The following RBFOX3 variants were observed in gnomAD, a reference collection of about 807,000 sequenced individuals.
RBFOX3 encodes RNA binding protein fox-1 homolog 3.
A neutral mutation model predicts 48.7 loss-of-function variants in RBFOX3; 17 were observed. That is an observed-to-expected ratio of 0.35 (90% CI 0.24 to 0.52). The LOEUF is 0.52. Ranked by LOEUF, RBFOX3 falls within the 20% of genes least tolerant of loss-of-function variation. RBFOX3 has a pLI of 0.94. For missense variants in RBFOX3, 382 were observed against 497.5 expected (o/e 0.77, Z 2.21); for synonymous variants, 212 against 209.5 (o/e 1.01, Z -0.10).
chr17:79,343,967 G>C (rs2082482681), intron 2 of RBFOX3, among the ~76,000 whole-genome samples: 1 of 152,206 alleles, frequency 6.6e-6, no homozygotes, highest in Non-Finnish European at 1.5e-5. Flanking sequence ...ATACTCTCCA[G>C]AGAGATCCCA....
intron 2 of RBFOX3, among the ~76,000 whole-genome samples, chr17:79,354,812 T>G (rs2084655792): frequency 6.6e-6 from 1 of 152,270 alleles, no homozygotes; most frequent in African/African-American, 2.4e-5. Flanking sequence ...TAATCATTAT[T>G]ATAACTATTT....
chr17:79,166,983 C>A (rs892931707), intron 4 of RBFOX3, among the ~76,000 whole-genome samples: 1 of 152,102 alleles, frequency 6.6e-6, no homozygotes, highest in African/African-American at 2.4e-5. Flanking sequence ...CTCCGGGGGC[C>A]CAGAGACAGC....
intron 1 of RBFOX3, among the ~76,000 whole-genome samples, chr17:79,531,760 C>T (rs948813928): frequency 3.3e-5 from 5 of 152,214 alleles, no homozygotes; most frequent in Admixed American, 6.5e-5. Flanking sequence ...AATCTAGAAA[C>T]GAAAGAGCTC....
intron 1 of RBFOX3, among the ~76,000 whole-genome samples, chr17:79,547,098 C>T (rs926893242): frequency 3.3e-5 from 5 of 152,140 alleles, no homozygotes; most frequent in African/African-American, 4.8e-5. Flanking sequence ...GGCAGGTGAA[C>T]AATTACCTTG....
At chr17:79,428,095 C>T (rs2067713869) in intron 2 of RBFOX3, among the ~76,000 whole-genome samples, 1 of 152,246 alleles carries the variant, frequency 6.6e-6, no homozygotes, top group South Asian at 2.1e-4. Flanking sequence ...ACAAGGCAGC[C>T]ACTGTGCCGA....
intron 4 of RBFOX3, among the ~76,000 whole-genome samples, chr17:79,138,713 C>CCATGCACGCACACAGCACATGCGTTCACA: frequency 3.9e-5 from 2 of 50,804 alleles, no homozygotes; most frequent in Non-Finnish European, 3.8e-5. Flanking sequence ...GCGTTCACAC[C>CCATGCACGCACACAGCACATGCGTTCACA]CCCTCACCCA....
At chr17:79,431,138 C>T (rs957145226) in intron 2 of RBFOX3, among the ~76,000 whole-genome samples, 5 of 152,062 alleles carry the variant, frequency 3.3e-5, no homozygotes, top group Non-Finnish European at 7.4e-5. Flanking sequence ...TGAAAAGGAT[C>T]GGGGAATCCA....
chr17:79,177,758 T>G (rs541028700), intron 4 of RBFOX3, among the ~76,000 whole-genome samples: 2 of 152,280 alleles, frequency 1.3e-5, no homozygotes, highest in East Asian at 3.9e-4. Context: ...TGGTACATGA[T>G]TCAAACCTTA....
chr17:79,462,854 G>A (rs139204035), intron 2 of RBFOX3, among the ~76,000 whole-genome samples: 176 of 152,256 alleles, frequency 1.2e-3, no homozygotes, highest in African/African-American at 3.7e-3. Flanking sequence ...CAGACACAGC[G>A]GTTATCTGAC....
intron 4 of RBFOX3, chr17:79,135,940 G>GT (rs2143710442): frequency 6.6e-6 from 1 of 152,424 alleles, no homozygotes; most frequent in South Asian, 2.1e-4. Flanking sequence ...GCTGGGTGGG[G>GT]TCACAGTTCT....
chr17:79,128,309 G>C (rs961775920), intron 4 of RBFOX3, among the ~76,000 whole-genome samples: 1 of 152,126 alleles, frequency 6.6e-6, no homozygotes, highest in South Asian at 2.1e-4. Context: ...GATGAGGGGG[G>C]GACTTTGCTT....
At chr17:79,607,916 G>A (rs1168237423) in intron 1 of RBFOX3, among the ~76,000 whole-genome samples, 5 of 152,210 alleles carry the variant, frequency 3.3e-5, no homozygotes, top group Admixed American at 3.3e-4. Flanking sequence ...TAAGTGACAG[G>A]CGCAGGACAG....
chr17:79,146,509 T>C (rs931833908), intron 4 of RBFOX3, among the ~76,000 whole-genome samples: 1 of 152,228 alleles, frequency 6.6e-6, no homozygotes, highest in Non-Finnish European at 1.5e-5. Context: ...CTCTGAATTG[T>C]CAGGTTCAAT....
intron 2 of RBFOX3, among the ~76,000 whole-genome samples, chr17:79,356,107 T>C (rs2084934104): frequency 6.6e-6 from 1 of 152,186 alleles, no homozygotes. Flanking sequence ...AACTGAAGTC[T>C]AAGCTCAAGT....
chr17:79,662,761 G>C, the RBFOX3 span, among the ~76,000 whole-genome samples: 1 of 152,166 alleles, frequency 6.6e-6, no homozygotes, highest in Non-Finnish European at 1.5e-5. Flanking sequence ...GTTTGTAGAG[G>C]AAAAATAGAT....
intron 2 of RBFOX3, among the ~76,000 whole-genome samples, chr17:79,329,021 A>C (rs1037565992): frequency 2.6e-5 from 4 of 152,132 alleles, no homozygotes; most frequent in African/African-American, 9.7e-5. Flanking sequence ...GTAAAGAATA[A>C]AAATGCAAGA....
At chr17:79,150,041 T>TGGGGGGTGAGGGTGGGGGGTGGGGGG (rs1240167075) in intron 4 of RBFOX3, among the ~76,000 whole-genome samples, 2 of 1,742 alleles carry the variant, frequency 1.1e-3, no homozygotes, top group Admixed American at 6.5e-3. Flanking sequence ...GGGGTGGGGG[T>TGGGGGGTGAGGGTGGGGGGTGGGGGG]GGGGGATGGG....
chr17:79,605,003 A>G (rs1336848922), intron 1 of RBFOX3, among the ~76,000 whole-genome samples: 1 of 152,152 alleles, frequency 6.6e-6, no homozygotes, highest in South Asian at 2.1e-4. Context: ...TGCCATCTTC[A>G]TCCCTGGGTC....
chr17:79,460,274 T>A (rs1007738838), intron 2 of RBFOX3, among the ~76,000 whole-genome samples: 2 of 152,112 alleles, frequency 1.3e-5, no homozygotes, highest in African/African-American at 4.8e-5. Context: ...CAATTTTACC[T>A]CATTAAAAAA....
Sources: gnomAD v4.1 joint callset for allele counts (sites outside exome capture counted in the v4.1 genomes callset) on GRCh38, gnomAD v4.1.1 for gene constraint, MANE v1.5 for transcripts, NCBI Gene and HGNC (gene_info 2026-07-23, HGNC 2026-07-21) for gene names.